Variants in ANXA11 observed in about 807,000 individuals in gnomAD.
ANXA11 encodes the protein 56 kDa autoantigen.
A neutral mutation model predicts 64.7 loss-of-function variants in ANXA11; 57 were observed. That is an observed-to-expected ratio of 0.88 (90% CI 0.71 to 1.10). ANXA11 has a LOEUF of 1.10. Among genes scored for constraint, ANXA11 ranks in the 50% least tolerant of loss-of-function variants. ANXA11 has a pLI of 0.00. For missense variants in ANXA11, 675 were observed against 670.7 expected (o/e 1.01, Z -0.07); for synonymous variants, 260 against 265.2 (o/e 0.98, Z 0.19).
chr10:80,193,641 C>T (rs566580499), intron 1 of ANXA11, among the ~76,000 whole-genome samples: 5 of 151,762 alleles, frequency 3.3e-5, no homozygotes, highest in African/African-American at 1.2e-4. Context: ...GCCAGGAGTT[C>T]GAGACCAGCC....
At chr10:80,188,626 C>A (rs1037835869) in intron 1 of ANXA11, among the ~76,000 whole-genome samples, 1 of 151,802 alleles carries the variant, frequency 6.6e-6, no homozygotes, top group African/African-American at 2.4e-5. Flanking sequence ...TGCTGTGTGA[C>A]CCCCCTGGGC....
At chr10:80,158,812 C>T (rs890667081) in intron 13 of ANXA11, among the ~76,000 whole-genome samples, 2 of 152,172 alleles carry the variant, frequency 1.3e-5, no homozygotes, top group Non-Finnish European at 2.9e-5. Context: ...CATACTCCTC[C>T]GGGAGCGCAG....
At chr10:80,178,373 A>G (rs1012110574) in intron 1 of ANXA11, among the ~76,000 whole-genome samples, 1 of 152,190 alleles carries the variant, frequency 6.6e-6, no homozygotes, top group Admixed American at 6.5e-5. Context: ...CCTGCTTCTA[A>G]TCACGGCCCT....
In ANXA11 at chr10:80,172,883, C is replaced by A. The variant is rs575988291; in HGVS notation, c.-8-14G>T. The A allele has an allele frequency of 6.8e-6, 11 of 1,613,306 alleles. No homozygotes were observed. The highest frequency in any genetic ancestry group is 9.3e-6 in the Non-Finnish European group (11 of 1,179,520). ...TCATGGTTAGATCTGGAAGAGAAGA[C>A]GAAAGCACATTCAGGCTCTGCCTGA... On this transcript the variant is annotated splice_polypyrimidine_tract_variant and intron_variant, in intron 2 of 15. Transcript: ENST00000422982.
At chr10:80,184,088 T>A (rs1846450442) in intron 1 of ANXA11, among the ~76,000 whole-genome samples, 1 of 152,174 alleles carries the variant, frequency 6.6e-6, no homozygotes, top group Non-Finnish European at 1.5e-5. Context: ...CCATCATCCC[T>A]CAGCTTCAAC....
In ANXA11 at chr10:80,167,339, A is replaced by G. The variant is rs1170907402; in HGVS notation, c.562-26T>C. On this transcript the variant is annotated intron_variant, in intron 5 of 15. Transcript: ENST00000422982. ...CTACTCGGACAAACAGTCTCAGGTA[A>G]GATGTCGTGCATGCCGCCTTCCCCA... 8 of 1,608,460 alleles carry G rather than the reference A, an allele frequency of 5.0e-6. No homozygotes were observed. The South Asian group carries it at 6.6e-5, about 13-fold the overall frequency.
chr10:80,169,266 G>A lies in ANXA11; in HGVS notation c.264C>T (p.Gly88=), dbSNP rs138254262. The change falls in exon 5 of 16, where the codon GGC becomes GGT. Residue 88 remains glycine (G), a synonymous_variant. Coordinates refer to ENST00000422982, the MANE Select transcript of ANXA11 (RefSeq NM_145868.2). Reference sequence around the variant, plus strand: ...GGGCAGAGGGGGGCTGCCCAAAGCCGCCAGGGGGCACTGGTGGGTAGCCAG... The same window carrying A: ...GGGCAGAGGGGGGCTGCCCAAAGCCACCAGGGGGCACTGGTGGGTAGCCAG... ...PGAGYPPVPP[G]GFGQPPSAQQ... The A allele has an allele frequency of 1.5e-4, 244 of 1,611,768 alleles. No homozygotes were observed. The African/African-American group carries it at 2.7e-3, about 18-fold the overall frequency.
chr10:80,167,769 G>A (rs1366956718), intron 5 of ANXA11, among the ~76,000 whole-genome samples: 3 of 152,244 alleles, frequency 2.0e-5, no homozygotes, highest in Admixed American at 1.3e-4. Flanking sequence ...CTCCACAACT[G>A]TGCATGGCAG....
chr10:80,183,858 G>A (rs1231201201), intron 1 of ANXA11, among the ~76,000 whole-genome samples: 2 of 152,208 alleles, frequency 1.3e-5, no homozygotes, highest in Admixed American at 1.3e-4. Flanking sequence ...CTATGAAGAC[G>A]AGGGAAGGCA....
At chr10:80,187,569 A>ACACT (rs1331391278) in intron 1 of ANXA11, among the ~76,000 whole-genome samples, 1,818 of 118,860 alleles carry the variant, frequency 0.015, 33 homozygotes, top group African/African-American at 0.05. Context: ...ACACACACAC[A>ACACT]CTCTCTCTCT....
In ANXA11 at chr10:80,168,972, G is replaced by T; in HGVS notation, c.558C>A (p.Thr186=). The part of the protein sequence containing the change: ...SGTVTPAVPP[T]QFGSRGTITD... The stretch of plus-strand genomic sequence containing the variant: ...GAGGCAGTGGGCTGACACTCACCTG[G>T]GTTGGGGGCACAGCGGGGGTGACAG... The change falls in exon 5 of 16, where the codon ACC becomes ACA. Residue 186 remains threonine, a synonymous_variant. Coordinates refer to ENST00000422982, the MANE Select transcript of ANXA11 (RefSeq NM_145868.2). 6.5e-7 allele frequency: 1 copy of T among 1,530,908 alleles called. No homozygotes were observed. Among genetic ancestry groups the T allele is most frequent in the South Asian group, 1.3e-5 (1 of 76,118 alleles). The allele number at this position is 1,530,908 out of a possible 1,614,324, so 94.8% of individuals were successfully genotyped here. A position where few individuals can be genotyped will look rare whatever the true frequency, so the allele number is the denominator to read the frequency against.
At chr10:80,176,504 C>T (rs567630964) in intron 1 of ANXA11, among the ~76,000 whole-genome samples, 29 of 152,170 alleles carry the variant, frequency 1.9e-4, no homozygotes, top group African/African-American at 6.3e-4. Context: ...ATGAGGCTTC[C>T]GGTTTAGATC....
intron 1 of ANXA11, among the ~76,000 whole-genome samples, chr10:80,177,419 G>A (rs917567236): frequency 1.3e-5 from 2 of 152,118 alleles, no homozygotes; most frequent in African/African-American, 2.4e-5. Context: ...TCAGGCCACG[G>A]AGACCTTATG....
At chr10:80,158,970 G>C (rs1172184603) in intron 13 of ANXA11, 130 bp downstream of exon 13, 5 of 706,094 alleles carry the variant, frequency 7.1e-6, no homozygotes, top group Non-Finnish European at 1.3e-5. Context: ...TGGACACTCT[G>C]GGCTGAGCGA....
chr10:80,193,914 A>C (rs554882414), intron 1 of ANXA11, among the ~76,000 whole-genome samples: 8 of 151,580 alleles, frequency 5.3e-5, no homozygotes, highest in Non-Finnish European at 7.4e-5. Context: ...GCAGTGGTGC[A>C]ATCTCGACTC....
At chr10:80,201,444 C>A (rs1441819155) in intron 1 of ANXA11, among the ~76,000 whole-genome samples, 1 of 152,168 alleles carries the variant, frequency 6.6e-6, no homozygotes, top group Non-Finnish European at 1.5e-5. Context: ...CAAGACGCCT[C>A]CTGAGCCCCA....
intron 1 of ANXA11, among the ~76,000 whole-genome samples, chr10:80,186,998 T>C (rs1846565246): frequency 6.6e-6 from 1 of 152,136 alleles, no homozygotes; most frequent in African/African-American, 2.4e-5. Flanking sequence ...AGGAAGAAAG[T>C]GACAGAGACA....
chr10:80,161,438 T>C (rs1845498263), intron 12 of ANXA11, among the ~76,000 whole-genome samples: 1 of 152,060 alleles, frequency 6.6e-6, no homozygotes, highest in Admixed American at 6.5e-5. Flanking sequence ...TTTTATTTCA[T>C]TGTTGTTTAC....
intron 1 of ANXA11, among the ~76,000 whole-genome samples, chr10:80,190,416 A>T (rs1422234245): frequency 2.6e-5 from 4 of 152,064 alleles, no homozygotes; most frequent in African/African-American, 9.7e-5. Context: ...TTCACATTGT[A>T]TTCATAGATT....
Sources: gnomAD v4.1 joint callset for allele counts (sites outside exome capture counted in the v4.1 genomes callset) on GRCh38, gnomAD v4.1.1 for gene constraint, MANE v1.5 for transcripts, NCBI Gene and HGNC (gene_info 2026-07-23, HGNC 2026-07-21) for gene names.